Variants in SATB2 observed in about 807,000 individuals in gnomAD.
SATB2 encodes the protein DNA-binding protein SATB2.
In SATB2, 1 loss-of-function variant was observed where a neutral mutation model predicts 73.4. The observed-to-expected ratio is 0.01, with a 90% CI of 0.00 to 0.06. The LOEUF (loss-of-function observed/expected upper bound fraction) is 0.06. Ranked by LOEUF, SATB2 falls within the 10% of genes least tolerant of loss-of-function variation. The pLI, the probability that SATB2 is intolerant of heterozygous loss-of-function variation, is 1.00. For missense variants in SATB2, 459 were observed against 945.8 expected, an observed-to-expected ratio of 0.49 and a Z score of 6.75; for synonymous variants, 397 against 367.0, an observed-to-expected ratio of 1.08 and a Z score of -0.93.
intron 6 of SATB2, among the ~76,000 whole-genome samples, chr2:199,357,127 T>C (rs1027858241): frequency 3.9e-5 from 6 of 152,210 alleles, no homozygotes; most frequent in African/African-American, 1.4e-4. Context: ...GTTTGGGGCA[T>C]GTGGTTATTA....
At chr2:199,306,948 CT>C (rs1038622074) in intron 10 of SATB2, among the ~76,000 whole-genome samples, 19 of 152,076 alleles carry the variant, frequency 1.2e-4, no homozygotes, top group African/African-American at 3.9e-4. Flanking sequence ...GAATAAATTG[CT>C]TTTTCCTTGC....
chr2:199,355,342 G>GTATCTATATATATATATA (rs1249092587), intron 6 of SATB2, among the ~76,000 whole-genome samples: 1 of 5,422 alleles, frequency 1.8e-4, no homozygotes, highest in African/African-American at 2.1e-4. Context: ...GTGTGTGTGT[G>GTATCTATATATATATATA]TGTATCTATA....
chr2:199,314,265 A>T (rs1274063483), intron 9 of SATB2, among the ~76,000 whole-genome samples: 1 of 152,150 alleles, frequency 6.6e-6, no homozygotes, highest in Admixed American at 6.5e-5. Flanking sequence ...TTCTCAATAA[A>T]TAGTCATTAG....
intron 10 of SATB2, among the ~76,000 whole-genome samples, chr2:199,290,622 T>C (rs1193662243): frequency 6.6e-6 from 1 of 152,196 alleles, no homozygotes; most frequent in Non-Finnish European, 1.5e-5. Flanking sequence ...TGTATACAGG[T>C]TAATAAATAC....
chr2:199,311,378 C>G (rs1024214879), intron 9 of SATB2, among the ~76,000 whole-genome samples: 1 of 152,168 alleles, frequency 6.6e-6, no homozygotes, highest in Admixed American at 6.5e-5. Flanking sequence ...CCCACCACAG[C>G]AGGCCCCAAG....
At chr2:199,330,985 T>A (rs1474502577) in intron 7 of SATB2, among the ~76,000 whole-genome samples, 1 of 152,148 alleles carries the variant, frequency 6.6e-6, no homozygotes, top group Non-Finnish European at 1.5e-5. Context: ...ATAAATTTGT[T>A]TAGTTATTAT....
At chr2:199,384,016 A>G (rs1477110341) in intron 3 of SATB2, among the ~76,000 whole-genome samples, 1 of 152,210 alleles carries the variant, frequency 6.6e-6, no homozygotes, top group Non-Finnish European at 1.5e-5. Context: ...CTTAATATGC[A>G]TACATTTTTG....
At chr2:199,410,819 A>G (rs1336947734) in intron 3 of SATB2, among the ~76,000 whole-genome samples, 1 of 152,222 alleles carries the variant, frequency 6.6e-6, no homozygotes, top group Non-Finnish European at 1.5e-5. Flanking sequence ...ATTATAACTA[A>G]GCAGCTAATA....
chr2:199,286,488 A>T (rs1047216934), intron 10 of SATB2, among the ~76,000 whole-genome samples: 5 of 152,084 alleles, frequency 3.3e-5, no homozygotes, highest in Non-Finnish European at 7.4e-5. Context: ...CCATTCCACA[A>T]AAACAACAAA....
At chr2:199,293,017 A>G (rs1021783461) in intron 10 of SATB2, among the ~76,000 whole-genome samples, 1 of 152,182 alleles carries the variant, frequency 6.6e-6, no homozygotes, top group Non-Finnish European at 1.5e-5. Context: ...TAAAGTTTCA[A>G]AAGCCTTAGG....
At chr2:199,304,745 C>T (rs1022627865) in intron 10 of SATB2, among the ~76,000 whole-genome samples, 4 of 152,074 alleles carry the variant, frequency 2.6e-5, no homozygotes, top group African/African-American at 7.2e-5. Context: ...GAGCTTAAAT[C>T]GGGGTTTCTG....
intron 10 of SATB2, among the ~76,000 whole-genome samples, chr2:199,279,131 A>C (rs1384500635): frequency 6.6e-6 from 1 of 152,234 alleles, no homozygotes; most frequent in Non-Finnish European, 1.5e-5. Flanking sequence ...AATGGGCATG[A>C]AGATGGCAAT....
chr2:199,287,451 C>T (rs1035872442), intron 10 of SATB2, among the ~76,000 whole-genome samples: 2 of 152,036 alleles, frequency 1.3e-5, no homozygotes, highest in Admixed American at 1.3e-4. Flanking sequence ...TAAGGTAAAG[C>T]ACCAAAGAGT....
chr2:199,417,955 A>G (rs1408448826), intron 3 of SATB2, among the ~76,000 whole-genome samples: 2 of 152,236 alleles, frequency 1.3e-5, no homozygotes, highest in African/African-American at 2.4e-5. Flanking sequence ...TTGGTACTTC[A>G]CATCCAGTAT....
In SATB2 at chr2:199,323,290, G is replaced by GA. The variant is rs1190939877; in HGVS notation, c.1542+512dup. On this transcript the variant is annotated intron_variant, in intron 9 of 10. Transcript: ENST00000417098. ...ACTCCCCCCACGTGTGTTTTCTCCT[G>GA]AAAAAATCAACTGTATTCTGTACAT... 2.6e-5 allele frequency among the ~76,000 whole-genome samples: 4 copies of GA among 152,090 alleles called. No homozygotes were observed. The East Asian group carries it at 5.8e-4, about 22-fold the overall frequency.
At chr2:199,371,998 C>A (rs1416302930) in intron 5 of SATB2, among the ~76,000 whole-genome samples, 1 of 152,018 alleles carries the variant, frequency 6.6e-6, no homozygotes, top group Non-Finnish European at 1.5e-5. Flanking sequence ...CTGCGGCAGT[C>A]CCCACTCAGA....
chr2:199,351,511 T>A (rs1688820210), intron 6 of SATB2, among the ~76,000 whole-genome samples: 1 of 152,188 alleles, frequency 6.6e-6, no homozygotes, highest in Non-Finnish European at 1.5e-5. Flanking sequence ...AACAAATTAT[T>A]TTACTCATCT....
At chr2:199,405,536 AG>A (rs1690606048) in intron 3 of SATB2, among the ~76,000 whole-genome samples, 1 of 152,190 alleles carries the variant, frequency 6.6e-6, no homozygotes, top group Non-Finnish European at 1.5e-5. Flanking sequence ...AAATAGAGAA[AG>A]GCTGGAGGGC....
intron 2 of SATB2, among the ~76,000 whole-genome samples, chr2:199,450,028 G>A (rs1574640213): frequency 6.6e-6 from 1 of 152,024 alleles, no homozygotes; most frequent in Admixed American, 6.6e-5. Context: ...AAAAAATAAT[G>A]AGTTAAAATG....
Sources: gnomAD v4.1 joint callset for allele counts (sites outside exome capture counted in the v4.1 genomes callset) on GRCh38, gnomAD v4.1.1 for gene constraint, MANE v1.5 for transcripts, NCBI Gene and HGNC (gene_info 2026-07-23, HGNC 2026-07-21) for gene names.